UNC13C: variants seen among roughly 807,000 people sequenced by gnomAD.
The protein encoded by UNC13C is unc-13 homolog C.
UNC13C carries 174 observed loss-of-function variants against 245.4 expected under a neutral mutation model. The observed-to-expected ratio is 0.71, with a 90% CI of 0.63 to 0.80. The LOEUF (loss-of-function observed/expected upper bound fraction) is 0.80, where lower values mean the gene tolerates loss of function less well. UNC13C is among the 30% of genes least tolerant of loss of function. The probability of loss-of-function intolerance (pLI) is 0.00; values close to 1 mark genes in which losing one functional copy is unlikely to be tolerated. For missense variants in UNC13C, 2,829 were observed against 2,602.9 expected, an observed-to-expected ratio of 1.09 and a Z score of -1.89; for synonymous variants, 992 against 895.1, an observed-to-expected ratio of 1.11 and a Z score of -1.93.
intron 2 of UNC13C, among the ~76,000 whole-genome samples, chr15:54,032,877 C>A (rs1210153929): frequency 6.6e-6 from 1 of 152,088 alleles, no homozygotes; most frequent in African/African-American, 2.4e-5. Flanking sequence ...AGTGAAGTAA[C>A]TCAGGAATGG....
intron 5 of UNC13C, among the ~76,000 whole-genome samples, chr15:54,236,066 A>C (rs1408721332): frequency 6.6e-6 from 1 of 152,058 alleles, no homozygotes; most frequent in African/African-American, 2.4e-5. Flanking sequence ...ATCATCCAAA[A>C]TATCTTCACA....
At chr15:54,586,347 T>C (rs1240063405) in intron 30 of UNC13C, among the ~76,000 whole-genome samples, 2 of 152,240 alleles carry the variant, frequency 1.3e-5, no homozygotes, top group African/African-American at 2.4e-5. Flanking sequence ...TTTTCAAGGC[T>C]GAAAGCCCAA....
the UNC13C span, among the ~76,000 whole-genome samples, chr15:53,930,933 G>A: frequency 9.2e-5 from 14 of 152,284 alleles, no homozygotes; most frequent in African/African-American, 3.1e-4. Context: ...GACCTCTGCA[G>A]AGAACACTTA....
intron 7 of UNC13C, among the ~76,000 whole-genome samples, chr15:54,239,902 A>G (rs530358968): frequency 1.3e-5 from 2 of 152,374 alleles, no homozygotes; most frequent in African/African-American, 4.8e-5. Flanking sequence ...TGAGTAAATA[A>G]TAAAGTCTGA....
At chr15:53,933,306 A>C in the UNC13C span, among the ~76,000 whole-genome samples, 1 of 152,158 alleles carries the variant, frequency 6.6e-6, no homozygotes, top group East Asian at 1.9e-4. Flanking sequence ...AATTTTATAG[A>C]TATATAATGT....
chr15:53,863,032 A>G, the UNC13C span, among the ~76,000 whole-genome samples: 1 of 152,190 alleles, frequency 6.6e-6, no homozygotes, highest in African/African-American at 2.4e-5. Flanking sequence ...GGGAGACTGT[A>G]GGTATGATTC....
At chr15:54,573,227 T>G (rs936002472) in intron 30 of UNC13C, among the ~76,000 whole-genome samples, 1 of 152,212 alleles carries the variant, frequency 6.6e-6, no homozygotes, top group African/African-American at 2.4e-5. Context: ...TTCTCTCCTA[T>G]TTTTGTACTC....
intron 18 of UNC13C, among the ~76,000 whole-genome samples, chr15:54,405,244 C>T (rs1280839535): frequency 6.6e-6 from 1 of 152,164 alleles, no homozygotes; most frequent in African/African-American, 2.4e-5. Context: ...TTACTCACTG[C>T]TCCACTGGGT....
At chr15:54,369,042 A>G (rs1190132497) in intron 17 of UNC13C, among the ~76,000 whole-genome samples, 2 of 152,266 alleles carry the variant, frequency 1.3e-5, no homozygotes, top group East Asian at 3.9e-4. Context: ...GATTTGTTCA[A>G]GTATAACTTA....
At chr15:54,521,170 T>A (rs192906171) in intron 24 of UNC13C, among the ~76,000 whole-genome samples, 1 of 152,228 alleles carries the variant, frequency 6.6e-6, no homozygotes, top group Non-Finnish European at 1.5e-5. Context: ...TATTTATTAA[T>A]GTTTTAATGC....
At chr15:53,952,566 A>C in the UNC13C span, among the ~76,000 whole-genome samples, 1 of 152,202 alleles carries the variant, frequency 6.6e-6, no homozygotes, top group African/African-American at 2.4e-5. Flanking sequence ...GGGACCTTTA[A>C]AAAATACTGA....
chr15:54,535,281 A>G (rs1895938388), intron 26 of UNC13C, among the ~76,000 whole-genome samples: 1 of 152,188 alleles, frequency 6.6e-6, no homozygotes, highest in Admixed American at 6.5e-5. Context: ...CAATATCATT[A>G]TATAATGATA....
chr15:54,622,610 C>A (rs1900866961), intron 31 of UNC13C, among the ~76,000 whole-genome samples, 191 bp downstream of exon 31: 1 of 150,904 alleles, frequency 6.6e-6, no homozygotes, highest in South Asian at 2.1e-4. Flanking sequence ...GTTTAGCATG[C>A]ATTATTCAAA....
chr15:54,462,565 C>T (rs1054585712), intron 19 of UNC13C, among the ~76,000 whole-genome samples: 1 of 152,230 alleles, frequency 6.6e-6, no homozygotes, highest in Non-Finnish European at 1.5e-5. Context: ...GCCAGTGCCC[C>T]CGGCCCCGGG....
chr15:53,966,899 C>T, the UNC13C span, among the ~76,000 whole-genome samples: 11 of 151,928 alleles, frequency 7.2e-5, no homozygotes, highest in African/African-American at 2.7e-4. Flanking sequence ...CTATAGTTGT[C>T]ATTTTATCTT....
intron 13 of UNC13C, chr15:54,321,625 C>G (rs751400717): frequency 4.7e-5 from 17 of 361,854 alleles, no homozygotes; most frequent in South Asian, 3.5e-4. Context: ...TGATGCAGAG[C>G]TTCTGCAGCT....
At chr15:54,373,327 C>T (rs1008512504) in intron 17 of UNC13C, among the ~76,000 whole-genome samples, 1 of 152,176 alleles carries the variant, frequency 6.6e-6, no homozygotes, top group African/African-American at 2.4e-5. Context: ...TTGCTCGAGC[C>T]CACTGGACTT....
chr15:53,943,272 A>G, the UNC13C span, among the ~76,000 whole-genome samples: 3 of 152,170 alleles, frequency 2.0e-5, no homozygotes, highest in African/African-American at 7.2e-5. Context: ...TTTATTTGCT[A>G]ATTTATCCAT....
At chr15:54,480,534 C>T (rs1469805829) in intron 19 of UNC13C, among the ~76,000 whole-genome samples, 1 of 144,764 alleles carries the variant, frequency 6.9e-6, no homozygotes, top group Admixed American at 6.9e-5. Flanking sequence ...TATGTTTTTT[C>T]ATTCATTAAA....
Sources: gnomAD v4.1 joint callset for allele counts (sites outside exome capture counted in the v4.1 genomes callset) on GRCh38, gnomAD v4.1.1 for gene constraint, MANE v1.5 for transcripts, NCBI Gene and HGNC (gene_info 2026-07-23, HGNC 2026-07-21) for gene names.